The following CPED1 variants were observed in gnomAD, a reference collection of about 807,000 sequenced individuals.
CPED1 encodes the protein cadherin like and PC-esterase domain containing 1.
Under a neutral mutation model 128.2 loss-of-function variants are expected in CPED1, and 114 were observed. That is an observed-to-expected ratio of 0.89 (90% CI 0.76 to 1.04). The LOEUF (loss-of-function observed/expected upper bound fraction) is 1.04. Ranked by LOEUF, CPED1 falls within the 50% of genes least tolerant of loss-of-function variation. CPED1 has a pLI of 0.00. For missense variants in CPED1, 1,211 were observed against 1,207.1 expected (o/e 1.00, Z -0.05); for synonymous variants, 462 against 426.7 (o/e 1.08, Z -1.02).
chr7:121,257,782 C>G (rs1220504655), intron 18 of CPED1, among the ~76,000 whole-genome samples: 5 of 151,972 alleles, frequency 3.3e-5, no homozygotes, highest in Non-Finnish European at 5.9e-5. Context: ...AGTTCTCATC[C>G]TACCCAGAAT....
intron 3 of CPED1, among the ~76,000 whole-genome samples, chr7:121,038,893 T>A (rs1792972387): frequency 6.6e-6 from 1 of 152,064 alleles, no homozygotes; most frequent in Admixed American, 6.6e-5. Context: ...TAAAGCATCA[T>A]CCTTATCATG....
At chr7:121,248,902 C>T (rs6979948) in intron 18 of CPED1, among the ~76,000 whole-genome samples, 63,124 of 151,900 alleles carry the variant, frequency 0.42, 13,570 homozygotes, top group Middle Eastern at 0.51. Context: ...CAAGATTCAA[C>T]AGAAAGTTGA....
intron 14 of CPED1, 130 bp downstream of exon 14, chr7:121,136,220 G>T: frequency 2.3e-6 from 2 of 870,702 alleles, no homozygotes; most frequent in Non-Finnish European, 1.7e-6. Flanking sequence ...AATTTTAGAA[G>T]TTATTAGATT....
intron 16 of CPED1, among the ~76,000 whole-genome samples, chr7:121,164,088 A>G (rs937599680): frequency 2.0e-5 from 3 of 152,208 alleles, no homozygotes; most frequent in African/African-American, 7.2e-5. Flanking sequence ...TAAGGAACAA[A>G]AGCTCAGAAC....
chr7:121,192,394 A>C lies in CPED1; in HGVS notation c.2056-44320A>C, dbSNP rs555757172. ...GTAAATATTTACTGCAGATATTCCA[A>C]AATCTAAAAACATCTGAAGTCCAAA... is the stretch of plus-strand genomic sequence containing the variant. On this transcript the variant is annotated intron_variant, in intron 16 of 22. Transcript: ENST00000310396. Among the ~76,000 whole-genome samples, 5 of 152,250 alleles carry C rather than the reference A, an allele frequency of 3.3e-5. No individual in the cohort carries two copies. In the South Asian group the frequency reaches 1.0e-3, roughly 32 times the overall value.
chr7:121,155,923 T>A (rs559763002), intron 16 of CPED1, among the ~76,000 whole-genome samples: 1 of 151,992 alleles, frequency 6.6e-6, no homozygotes, highest in East Asian at 1.9e-4. Flanking sequence ...ACCTAAAAAA[T>A]GGGAGAAACG....
intron 2 of CPED1, among the ~76,000 whole-genome samples, chr7:120,995,608 A>G (rs1314949386): frequency 6.6e-6 from 1 of 152,138 alleles, no homozygotes; most frequent in Non-Finnish European, 1.5e-5. Flanking sequence ...AAATTTAAAT[A>G]ATTTATTTCA....
chr7:121,147,478 G>T (rs912396282), intron 16 of CPED1, among the ~76,000 whole-genome samples: 19 of 152,050 alleles, frequency 1.2e-4, no homozygotes, highest in African/African-American at 4.3e-4. Flanking sequence ...TGTTATTGTG[G>T]CTAGAATATG....
chr7:121,180,122 C>T (rs1796869923), intron 16 of CPED1, among the ~76,000 whole-genome samples: 1 of 151,858 alleles, frequency 6.6e-6, no homozygotes. Context: ...CATGGTGGTC[C>T]CAAAGACCAG....
At chr7:121,046,165 A>T (rs1793188263) in intron 3 of CPED1, among the ~76,000 whole-genome samples, 1 of 152,170 alleles carries the variant, frequency 6.6e-6, no homozygotes, top group South Asian at 2.1e-4. Context: ...CCCTTCTGAG[A>T]TTATTTTGGC....
At chr7:121,046,408 G>A (rs1460034446) in intron 3 of CPED1, among the ~76,000 whole-genome samples, 2 of 151,932 alleles carry the variant, frequency 1.3e-5, no homozygotes, top group Non-Finnish European at 2.9e-5. Context: ...GATGTTTGAC[G>A]AGTAAATCTA....
chr7:121,109,260 T>C (rs1795050045), intron 7 of CPED1, among the ~76,000 whole-genome samples: 2 of 152,172 alleles, frequency 1.3e-5, no homozygotes, highest in African/African-American at 4.8e-5. Context: ...ATTTCATTGC[T>C]TTTGTTAGAT....
intron 14 of CPED1, 140 bp from the exon 15 acceptor site, chr7:121,140,687 C>G: frequency 1.6e-6 from 1 of 611,562 alleles, no homozygotes; most frequent in East Asian, 2.9e-5. Context: ...CAACTATGAT[C>G]AGGGTACTGA....
chr7:121,213,453 TG>T (rs1327489083), intron 16 of CPED1, among the ~76,000 whole-genome samples: 1 of 152,038 alleles, frequency 6.6e-6, no homozygotes, highest in Non-Finnish European at 1.5e-5. Flanking sequence ...CCTTTCTCCT[TG>T]TCAACTGTTT....
At chr7:121,229,126 C>G (rs1207721014) in intron 16 of CPED1, among the ~76,000 whole-genome samples, 5 of 151,928 alleles carry the variant, frequency 3.3e-5, no homozygotes, top group African/African-American at 1.2e-4. Context: ...TGATGGACAA[C>G]TTAAATACCC....
At chr7:121,086,432 T>C (rs1353067395) in intron 5 of CPED1, among the ~76,000 whole-genome samples, 2 of 152,206 alleles carry the variant, frequency 1.3e-5, no homozygotes, top group Admixed American at 6.5e-5. Context: ...AAACAACATT[T>C]TAAGCCATTT....
At chr7:121,085,491 TATTGTTTTAGC>T (rs1794401650) in intron 5 of CPED1, among the ~76,000 whole-genome samples, 2 of 152,328 alleles carry the variant, frequency 1.3e-5, no homozygotes, top group South Asian at 4.1e-4. Context: ...AATGTTTTAG[TATTGTTTTAGC>T]TTTTGACCTA....
intron 12 of CPED1, 99 bp downstream of exon 12, chr7:121,130,393 C>CA: frequency 1.1e-6 from 1 of 902,878 alleles, no homozygotes; most frequent in Non-Finnish European, 1.6e-6. Context: ...GCAGCAACAA[C>CA]AAAAAAGTGT....
At chr7:121,215,578 A>T (rs1797742155) in intron 16 of CPED1, among the ~76,000 whole-genome samples, 1 of 152,108 alleles carries the variant, frequency 6.6e-6, no homozygotes, top group African/African-American at 2.4e-5. Flanking sequence ...TTGGTTGTTG[A>T]TGTAGCAAGG....
Sources: gnomAD v4.1 joint callset for allele counts (sites outside exome capture counted in the v4.1 genomes callset) on GRCh38, gnomAD v4.1.1 for gene constraint, MANE v1.5 for transcripts, NCBI Gene and HGNC (gene_info 2026-07-23, HGNC 2026-07-21) for gene names.